The following MELK variants were observed in gnomAD, a reference collection of about 807,000 sequenced individuals.
MELK encodes pEg3 kinase.
Under a neutral mutation model 85.0 loss-of-function variants are expected in MELK, and 81 were observed. The ratio of observed to expected loss-of-function variants is 0.95; its 90% confidence interval spans 0.80 to 1.15. The LOEUF (loss-of-function observed/expected upper bound fraction) is 1.15, where lower values mean the gene tolerates loss of function less well. MELK is among the 50% of genes most tolerant of loss of function. The pLI, the probability that MELK is intolerant of heterozygous loss-of-function variation, is 0.00. For missense variants in MELK, 754 were observed against 777.5 expected (o/e 0.97, Z 0.36); for synonymous variants, 252 against 265.0 (o/e 0.95, Z 0.48).
Position 36,596,085 on chromosome 9 carries a change from G to A in MELK, c.406-1137G>A, listed in dbSNP as rs147818235. Among the ~76,000 whole-genome samples, 33 of 152,230 alleles carry A rather than the reference G, an allele frequency of 2.2e-4. No homozygotes were observed. The East Asian group carries it at 6.4e-3, about 29-fold the overall frequency. ...CCTGCCTTGGCCTTCCAAAGTGCTGGGATTACAGGCGTGAGCCAGGGTACC... is the reference window on the plus strand; with the variant it reads ...CCTGCCTTGGCCTTCCAAAGTGCTGAGATTACAGGCGTGAGCCAGGGTACC... On this transcript the variant is annotated intron_variant, in intron 5 of 17. Coordinates refer to ENST00000298048, the MANE Select transcript of MELK (RefSeq NM_014791.4).
intron 1 of MELK, among the ~76,000 whole-genome samples, chr9:36,581,069 T>C (rs1822189925): frequency 1.3e-5 from 2 of 152,106 alleles, no homozygotes; most frequent in Admixed American, 6.6e-5. Context: ...TGCTGTTGAG[T>C]TTTTCTTATT....
chr9:36,585,414 C>G lies in MELK; in HGVS notation c.144+1702C>G, dbSNP rs184056626. Among the ~76,000 whole-genome samples, 362 of 139,104 alleles carry G rather than the reference C, an allele frequency of 2.6e-3. 2 individuals are homozygous for G. The highest frequency in any genetic ancestry group is 5.5e-3 in the Admixed American group (68 of 12,426). 91.3% of individuals were successfully genotyped at this position (139,104 alleles called of 152,430 possible). On this transcript the variant is annotated intron_variant, in intron 3 of 17. Transcript: ENST00000298048. ...CTCTGCCTCCTGGGTTCAAATGATT[C>G]TCCTGCCTCAGCCACCTGAGTAGCT...
chr9:36,578,517 G>A (rs767765336), intron 1 of MELK, among the ~76,000 whole-genome samples: 2 of 152,196 alleles, frequency 1.3e-5, no homozygotes, highest in South Asian at 4.1e-4. Context: ...ATACTCTTGA[G>A]AATTTTGGGT....
intron 9 of MELK, among the ~76,000 whole-genome samples, chr9:36,632,891 T>C (rs1349356965): frequency 6.6e-6 from 1 of 152,240 alleles, no homozygotes; most frequent in Non-Finnish European, 1.5e-5. Context: ...TAAACATTTA[T>C]CTTCTAAGCC....
chr9:36,667,627 T>G (rs1409914004), intron 14 of MELK, among the ~76,000 whole-genome samples: 1 of 152,236 alleles, frequency 6.6e-6, no homozygotes, highest in Non-Finnish European at 1.5e-5. Flanking sequence ...AAGATTGTGT[T>G]GGTCAAAGCT....
chr9:36,651,728 G>C lies in MELK; in HGVS notation c.922-18G>C, dbSNP rs557720438. ...AAACAAGTAATCTTCTAACCAACTT[G>C]ATTTTCTTTTCCTTTAGTGGCAGTA... is the stretch of plus-strand genomic sequence containing the variant. On this transcript the variant is annotated intron_variant, in intron 11 of 17. Transcript: ENST00000298048. The C allele has an allele frequency of 9.3e-6, 15 of 1,605,144 alleles. No homozygotes were observed. Among genetic ancestry groups the C allele is most frequent in the African/African-American group, 1.3e-5 (1 of 74,554 alleles).
At chr9:36,584,657 C>T (rs1298324884) in intron 3 of MELK, among the ~76,000 whole-genome samples, 2 of 151,296 alleles carry the variant, frequency 1.3e-5, no homozygotes, top group Non-Finnish European at 2.9e-5. Context: ...TTATGATACT[C>T]TTACTAAATA....
intron 9 of MELK, among the ~76,000 whole-genome samples, chr9:36,630,704 A>C (rs972825976): frequency 1.3e-4 from 20 of 152,200 alleles, no homozygotes; most frequent in African/African-American, 4.6e-4. Flanking sequence ...CTCAGGTTGG[A>C]GTGCAGTGGC....
chr9:36,615,366 C>G lies in MELK; in HGVS notation c.666+7693C>G, dbSNP rs569644781. Among the ~76,000 whole-genome samples, 14 of 112,388 alleles carry G rather than the reference C, an allele frequency of 1.2e-4. 1 individual carries two copies. The highest frequency in any genetic ancestry group is 1.7e-4 in the African/African-American group (4 of 23,528). 73.7% of individuals were successfully genotyped at this position (112,388 alleles called of 152,430 possible). A position where few individuals can be genotyped will look rare whatever the true frequency, so the allele number is the denominator to read the frequency against. ...GGGGCTGACCCCCCCACCTCCCTCC[C>G]GGTCGGCACGGCTGGCCGGGCGGGG... On this transcript the variant is annotated intron_variant, in intron 8 of 17. Transcript: ENST00000298048.
At chr9:36,586,534 T>C (rs1822921696) in intron 3 of MELK, among the ~76,000 whole-genome samples, 1 of 152,192 alleles carries the variant, frequency 6.6e-6, no homozygotes, top group South Asian at 2.1e-4. Context: ...TTTTTTGTTT[T>C]CTATTTATTA....
intron 5 of MELK, among the ~76,000 whole-genome samples, chr9:36,595,024 T>C (rs1824048104): frequency 6.6e-6 from 1 of 151,512 alleles, no homozygotes; most frequent in South Asian, 2.1e-4. Flanking sequence ...CCTCCCGGAT[T>C]CAAGCAGTTC....
At chr9:36,665,264 G>A (rs1225816016) in intron 13 of MELK, 86 bp from the exon 14 acceptor site, 6 of 733,744 alleles carry the variant, frequency 8.2e-6, no homozygotes, top group Middle Eastern at 3.7e-4. Context: ...AATAGTACAA[G>A]GTAGTTTGCA....
intron 16 of MELK, among the ~76,000 whole-genome samples, chr9:36,673,917 A>G (rs751833325): frequency 1.3e-5 from 2 of 152,206 alleles, no homozygotes; most frequent in Non-Finnish European, 2.9e-5. Flanking sequence ...ATATTTAAAA[A>G]TATTTATCCA....
At chr9:36,621,275 G>GAAAAAAAAAAAAACAAAAAAAA (rs1827385033) in intron 8 of MELK, among the ~76,000 whole-genome samples, 1 of 32,420 alleles carries the variant, frequency 3.1e-5, no homozygotes, top group East Asian at 1.2e-3. Flanking sequence ...CTGTCTCAGG[G>GAAAAAAAAAAAAACAAAAAAAA]AAAAAAAAAA....
chr9:36,585,377 G>GCTCACTGCGACCTCTGCCTCCTGGGTT (rs1822785455), intron 3 of MELK, among the ~76,000 whole-genome samples: 1 of 147,056 alleles, frequency 6.8e-6, no homozygotes, highest in Non-Finnish European at 1.5e-5. Context: ...TGCGATCTCG[G>GCTCACTGCGACCTCTGCCTCCTGGGTT]CTCACTGCGA....
rs59627494 is a variant in MELK, at chr9:36,589,752, C to T, written c.261+100C>T. On this transcript the variant is annotated intron_variant, in intron 4 of 17. Coordinates refer to ENST00000298048, the MANE Select transcript of MELK (RefSeq NM_014791.4). ...CTGAAAGATTAGAAGAGATGTTAAG[C>T]GACTTACCTGTTTTGTTCCATTTGT... 1,590 of 820,834 alleles carry T rather than the reference C, an allele frequency of 1.9e-3. 22 individuals carry two copies. In the African/African-American group the frequency reaches 0.025, roughly 13 times the overall value. The allele number at this position is 820,834 out of a possible 1,614,324, so 50.8% of individuals were successfully genotyped here. A position where few individuals can be genotyped will look rare whatever the true frequency, so the allele number is the denominator to read the frequency against.
chr9:36,630,154 A>AT (rs1017871942), intron 8 of MELK, 145 bp from the exon 9 acceptor site: 28 of 691,338 alleles, frequency 4.1e-5, no homozygotes, highest in Middle Eastern at 2.5e-4. Context: ...CAAGAAATTG[A>AT]TTTTTTTTAG....
intron 13 of MELK, among the ~76,000 whole-genome samples, chr9:36,660,309 A>C (rs1266947071): frequency 1.3e-5 from 2 of 152,040 alleles, no homozygotes; most frequent in African/African-American, 4.8e-5. Flanking sequence ...ATGTGCAACA[A>C]TTGCCTGTAA....
intron 13 of MELK, among the ~76,000 whole-genome samples, chr9:36,662,893 G>GT (rs1234033548): frequency 6.6e-6 from 1 of 152,126 alleles, no homozygotes; most frequent in Admixed American, 6.5e-5. Context: ...CACACCATCT[G>GT]TGTGGTGTCT....
Sources: allele counts gnomAD v4.1 joint callset (sites outside exome capture counted in the v4.1 genomes callset), GRCh38; gene constraint gnomAD v4.1.1; transcripts MANE v1.5; gene names NCBI Gene and HGNC (gene_info 2026-07-23, HGNC 2026-07-21).